Variants in SMG6 observed in about 807,000 individuals in gnomAD.
SMG6 encodes the protein telomerase-binding protein EST1A.
SMG6 carries 66 observed loss-of-function variants against 142.2 expected under a neutral mutation model. The observed-to-expected ratio is 0.46, with a 90% CI of 0.38 to 0.57. SMG6 has a LOEUF of 0.57. Among genes scored for constraint, SMG6 ranks in the 20% least tolerant of loss-of-function variants. The pLI, the probability that SMG6 is intolerant of heterozygous loss-of-function variation, is 0.00. For missense variants in SMG6, 1,793 were observed against 1,832.0 expected (o/e 0.98, Z 0.39); for synonymous variants, 779 against 702.4 (o/e 1.11, Z -1.72).
Position 2,231,527 on chromosome 17 carries a change from T to A in SMG6, c.2869+4965A>T, listed in dbSNP as rs183161409. Among the ~76,000 whole-genome samples the A allele has an allele frequency of 2.1e-3, 316 of 152,034 alleles. 2 individuals are homozygous for A. The highest frequency in any genetic ancestry group is 5.4e-3 in the African/African-American group (224 of 41,466). ...CCTGGCCAACATGGTGAAACCCCCG[T>A]CTCTACTAAAAATACAAAACTTAGC... On this transcript the variant is annotated intron_variant, in intron 10 of 18. Coordinates refer to ENST00000263073, the MANE Select transcript of SMG6 (RefSeq NM_017575.5).
At chr17:2,249,663 G>A (rs1344563829) in intron 8 of SMG6, among the ~76,000 whole-genome samples, 2 of 152,096 alleles carry the variant, frequency 1.3e-5, no homozygotes, top group African/African-American at 4.8e-5. Context: ...GATGGTTCTC[G>A]GTCAGGTGGA....
intron 13 of SMG6, among the ~76,000 whole-genome samples, chr17:2,154,868 CTACAAAAAAA>C (rs1217135467): frequency 2.0e-5 from 3 of 151,944 alleles, no homozygotes; most frequent in Non-Finnish European, 4.4e-5. Flanking sequence ...AATCTCATCT[CTACAAAAAAA>C]TACAAAAATT....
intron 13 of SMG6, among the ~76,000 whole-genome samples, chr17:2,170,653 G>GT (rs1400562421): frequency 1.3e-5 from 2 of 152,192 alleles, no homozygotes; most frequent in African/African-American, 4.8e-5. Flanking sequence ...AAGGCAAAAA[G>GT]TAAGTATTCC....
At chr17:2,257,383 A>G (rs2074208705) in intron 8 of SMG6, among the ~76,000 whole-genome samples, 1 of 152,098 alleles carries the variant, frequency 6.6e-6, no homozygotes, top group Admixed American at 6.6e-5. Context: ...CGGCCAAAAG[A>G]ATCCTGTGCC....
intron 15 of SMG6, among the ~76,000 whole-genome samples, chr17:2,069,214 A>AG (rs2068031210): frequency 6.6e-6 from 1 of 152,216 alleles, no homozygotes; most frequent in African/African-American, 2.4e-5. Context: ...TCTCAAAGTA[A>AG]GACTGGGACT....
chr17:2,285,937 G>C (rs1209708174), intron 6 of SMG6, among the ~76,000 whole-genome samples: 1 of 152,030 alleles, frequency 6.6e-6, no homozygotes, highest in Non-Finnish European at 1.5e-5. Flanking sequence ...GCCTCCCAAA[G>C]TGCTGGGATT....
At chr17:2,209,166 AAAAAC>A (rs2072775046) in intron 10 of SMG6, among the ~76,000 whole-genome samples, 1 of 152,218 alleles carries the variant, frequency 6.6e-6, no homozygotes, top group Admixed American at 6.5e-5. Flanking sequence ...CTTGTCTCAA[AAAAAC>A]AAAACAAAAC....
At chr17:2,088,150 G>C in intron 13 of SMG6, 1 of 985,472 alleles carries the variant, frequency 1.0e-6, no homozygotes, top group Non-Finnish European at 1.2e-6. Context: ...GCCCAGGACA[G>C]GAGTGTGCCA....
In SMG6 at chr17:2,188,506, G is replaced by C; in HGVS notation, c.2879C>G (p.Ser960Trp). The C allele has an allele frequency of 1.2e-6, 2 of 1,613,818 alleles. No individual in the cohort carries two copies. The highest frequency in any genetic ancestry group is 1.7e-6 in the Non-Finnish European group (2 of 1,179,918). ...CTGGATCACAGAGCGGCACTCCTCCGAGAAGCAGTCTGCGGACAGGCAAAT... is the reference window on the plus strand; with the variant it reads ...CTGGATCACAGAGCGGCACTCCTCCCAGAAGCAGTCTGCGGACAGGCAAAT... ...VHNSQLKDCFSEECRSVIQEQ... is the reference protein window; with the variant it reads ...VHNSQLKDCFWEECRSVIQEQ... The change falls in exon 11 of 19, where the codon TCG becomes TGG. Residue 960 changes from serine (S) to tryptophan (W), a missense_variant. Physicochemically the swap from Ser to Trp is radical, Grantham distance 177. Coordinates refer to ENST00000263073, the MANE Select transcript of SMG6 (RefSeq NM_017575.5).
chr17:2,243,419 G>A (rs71359153), intron 9 of SMG6, among the ~76,000 whole-genome samples: 5,315 of 152,282 alleles, frequency 0.035, 143 homozygotes, highest in Non-Finnish European at 0.055. Flanking sequence ...GGTGGTTCAC[G>A]GCTGTAATCC....
At chr17:2,184,960 C>CAAAAAAAAAAAAAA (rs58230459) in intron 12 of SMG6, among the ~76,000 whole-genome samples, 2 of 22,472 alleles carry the variant, frequency 8.9e-5, no homozygotes, top group Non-Finnish European at 1.4e-4. Context: ...GACTCCATCT[C>CAAAAAAAAAAAAAA]AAAAAAAAAA....
At chr17:2,213,412 T>G (rs991751096) in intron 10 of SMG6, among the ~76,000 whole-genome samples, 1 of 152,200 alleles carries the variant, frequency 6.6e-6, no homozygotes, top group Non-Finnish European at 1.5e-5. Context: ...ACCCGGCCTC[T>G]CAGCGCTAGG....
At chr17:2,076,060 G>C (rs1250844322) in intron 15 of SMG6, among the ~76,000 whole-genome samples, 2 of 152,232 alleles carry the variant, frequency 1.3e-5, no homozygotes, top group African/African-American at 4.8e-5. Context: ...TAAGAGCAGG[G>C]AAGTGGGGGT....
intron 10 of SMG6, among the ~76,000 whole-genome samples, chr17:2,224,526 AAGAT>A (rs1274034917): frequency 1.3e-5 from 2 of 152,186 alleles, no homozygotes; most frequent in African/African-American, 4.8e-5. Flanking sequence ...AATGAACTGA[AAGAT>A]AGTTAAGGAA....
At chr17:2,229,585 G>C (rs563433203) in intron 10 of SMG6, 7 of 152,264 alleles carry the variant, frequency 4.6e-5, no homozygotes, top group Non-Finnish European at 8.8e-5. Flanking sequence ...CTGTCTCACA[G>C]GGCTGACAAG....
intron 13 of SMG6, among the ~76,000 whole-genome samples, chr17:2,161,065 T>TAGGAAGGCTAGGCAGGTAGGC (rs1171628317): frequency 8.6e-5 from 13 of 151,462 alleles, no homozygotes; most frequent in African/African-American, 3.1e-4. Flanking sequence ...GGTAGGTAGG[T>TAGGAAGGCTAGGCAGGTAGGC]AGGAAGGCTA....
intron 12 of SMG6, among the ~76,000 whole-genome samples, chr17:2,176,939 T>C (rs1332122440): frequency 6.6e-6 from 1 of 152,218 alleles, no homozygotes; most frequent in Non-Finnish European, 1.5e-5. Flanking sequence ...CAAGGTTTAA[T>C]GTATCTGTCA....
intron 13 of SMG6, among the ~76,000 whole-genome samples, chr17:2,170,989 A>G (rs1447592437): frequency 6.6e-6 from 1 of 152,230 alleles, no homozygotes; most frequent in Non-Finnish European, 1.5e-5. Context: ...CAAACAGTAT[A>G]TACAGCTGGG....
chr17:2,297,986 C>T lies in SMG6; in HGVS notation c.1917G>A (p.Val639=). ...LDIEFSDNQN[V]DQILWKNAFY... ...AAGCATTCTTCCACAGGATCTGATC[C>T]ACATTCTGATTATCAGAGAACTCAA... Residue 639 remains valine (V), a synonymous_variant, in exon 3 of 19, where the codon GTG becomes GTA. Transcript: ENST00000263073. 3.7e-6 allele frequency: 6 copies of T among 1,613,338 alleles called. No homozygotes were observed. Among genetic ancestry groups the T allele is most frequent in the Non-Finnish European group, 5.1e-6 (6 of 1,179,964 alleles).
Sources: allele counts gnomAD v4.1 joint callset (sites outside exome capture counted in the v4.1 genomes callset), GRCh38; gene constraint gnomAD v4.1.1; transcripts MANE v1.5; gene names NCBI Gene and HGNC (gene_info 2026-07-23, HGNC 2026-07-21).